Variants in USP32 observed in about 807,000 individuals in gnomAD.
USP32 encodes ubiquitin specific peptidase 32, also known as ubiquitin carboxyl-terminal hydrolase 32.
Under a neutral mutation model 204.8 loss-of-function variants are expected in USP32, and 59 were observed. That is an observed-to-expected ratio of 0.29 (90% CI 0.23 to 0.36). The LOEUF (loss-of-function observed/expected upper bound fraction) is 0.36. Among genes scored for constraint, USP32 ranks in the 10% least tolerant of loss-of-function variants. The probability of loss-of-function intolerance (pLI) is 1.00; values close to 1 mark genes in which losing one functional copy is unlikely to be tolerated. For synonymous variants in USP32, 517 were observed against 678.4 expected, an observed-to-expected ratio of 0.76 and a Z score of 3.70; for missense variants, 1,160 against 1,946.4, an observed-to-expected ratio of 0.60 and a Z score of 7.60.
intron 9 of USP32, among the ~76,000 whole-genome samples, chr17:60,264,506 T>A (rs1223329176): frequency 1.3e-5 from 2 of 148,940 alleles, no homozygotes; most frequent in Non-Finnish European, 3.0e-5. Context: ...CAGAGCAAGA[T>A]CCTGTCTCCA....
intron 2 of USP32, among the ~76,000 whole-genome samples, chr17:60,313,820 C>T (rs1567846889): frequency 6.6e-6 from 1 of 151,818 alleles, no homozygotes; most frequent in Non-Finnish European, 1.5e-5. Flanking sequence ...AGAATAAAAT[C>T]CAACATTTTA....
chr17:60,263,351 T>C (rs1293272621), intron 9 of USP32, among the ~76,000 whole-genome samples: 3 of 152,178 alleles, frequency 2.0e-5, no homozygotes, highest in Non-Finnish European at 4.4e-5. Context: ...CAGAGTATCA[T>C]TAAATAGTCA....
At chr17:60,324,153 G>A (rs2088175885) in intron 2 of USP32, among the ~76,000 whole-genome samples, 2 of 152,006 alleles carry the variant, frequency 1.3e-5, no homozygotes, top group Admixed American at 1.3e-4. Flanking sequence ...GCATGGTGGT[G>A]CACTTGTGGT....
rs190443788 is a variant in USP32, at chr17:60,191,210, T to A, written c.3522-527A>T. On this transcript the variant is annotated intron_variant, in intron 28 of 33. Transcript: ENST00000300896. Reference sequence around the variant, plus strand: ...TGAGGTCAGGAGGTCGAGACCAGTCTGACCAACATGGTGAAACCCTGTCTC... The same window carrying A: ...TGAGGTCAGGAGGTCGAGACCAGTCAGACCAACATGGTGAAACCCTGTCTC... 2.7e-4 allele frequency among the ~76,000 whole-genome samples: 41 copies of A among 152,064 alleles called. 1 individual carries two copies. In the East Asian group the frequency reaches 8.0e-3, roughly 30 times the overall value.
At chr17:60,248,287 G>T (rs2086086354) in intron 11 of USP32, among the ~76,000 whole-genome samples, 1 of 152,038 alleles carries the variant, frequency 6.6e-6, no homozygotes, top group Admixed American at 6.6e-5. Context: ...TGCTCTTGTG[G>T]CTTTCAACTT....
chr17:60,421,215 C>T (rs980054333), intron 1 of USP32: 13 of 300,004 alleles, frequency 4.3e-5, no homozygotes, highest in Admixed American at 6.5e-5. Flanking sequence ...ATCTTGGAGG[C>T]GGATAAGTGG....
intron 1 of USP32, among the ~76,000 whole-genome samples, chr17:60,407,803 AAAAG>A (rs2089989656): frequency 6.7e-6 from 1 of 149,324 alleles, no homozygotes; most frequent in Non-Finnish European, 1.5e-5. Context: ...AAAAAAAAAA[AAAAG>A]CAGAAACAGG....
chr17:60,334,533 A>C (rs955732368), intron 2 of USP32, among the ~76,000 whole-genome samples: 6 of 151,742 alleles, frequency 4.0e-5, no homozygotes, highest in African/African-American at 1.5e-4. Context: ...TCTACTAAAA[A>C]TACAAAAAAT....
chr17:60,392,183 T>G, upstream of USP32: 1 of 475,314 alleles, frequency 2.1e-6, no homozygotes, highest in Non-Finnish European at 3.8e-6. Context: ...CGCCCTTCTC[T>G]CTCCTCTCTC....
chr17:60,281,022 T>C (rs965284273), intron 5 of USP32, among the ~76,000 whole-genome samples: 1 of 152,238 alleles, frequency 6.6e-6, no homozygotes, highest in Non-Finnish European at 1.5e-5. Context: ...ATTTGTTGGT[T>C]CTTTGTTTTT....
intron 1 of USP32, among the ~76,000 whole-genome samples, chr17:60,357,312 G>C (rs7223100): frequency 0.16 from 24,715 of 151,632 alleles, 4,533 homozygotes; most frequent in African/African-American, 0.45. Context: ...AATTAGGCAG[G>C]CATGGTGATA....
intron 16 of USP32, among the ~76,000 whole-genome samples, chr17:60,216,609 T>TA (rs1372253191): frequency 2.6e-5 from 4 of 152,274 alleles, no homozygotes; most frequent in Non-Finnish European, 5.9e-5. Context: ...AAAAGTCACC[T>TA]AAAAAACAAT....
At chr17:60,229,927 C>A (rs1039959793) in intron 12 of USP32, among the ~76,000 whole-genome samples, 10 of 152,102 alleles carry the variant, frequency 6.6e-5, no homozygotes, top group Non-Finnish European at 1.3e-4. Flanking sequence ...AATTCTCCTG[C>A]CTCAGCCTCC....
intron 11 of USP32, among the ~76,000 whole-genome samples, chr17:60,250,654 A>C (rs1461093620): frequency 6.6e-6 from 1 of 152,148 alleles, no homozygotes; most frequent in African/African-American, 2.4e-5. Context: ...TGAATATTTA[A>C]AAAACTACAT....
In USP32 at chr17:60,177,870, C is replaced by A. The variant is rs1014999558; in HGVS notation, c.*1385G>T. Among the ~76,000 whole-genome samples, 1 of 151,970 alleles carries A rather than the reference C, an allele frequency of 6.6e-6. No homozygotes were observed. The highest frequency in any genetic ancestry group is 2.4e-5 in the African/African-American group (1 of 41,352). On this transcript the variant is annotated 3_prime_UTR_variant, in exon 34 of 34. Coordinates refer to ENST00000300896, the MANE Select transcript of USP32 (RefSeq NM_032582.4). Reference sequence around the variant, plus strand: ...AGGAAGAAAGGGTAGTGGAATCTGACAATTAATGAGAATCAACTTGCAGGG... The same window carrying A: ...AGGAAGAAAGGGTAGTGGAATCTGAAAATTAATGAGAATCAACTTGCAGGG...
intron 1 of USP32, among the ~76,000 whole-genome samples, chr17:60,383,017 G>T (rs894511062): frequency 1.3e-5 from 2 of 152,096 alleles, no homozygotes; most frequent in African/African-American, 4.8e-5. Flanking sequence ...GGAGGCCGAG[G>T]CAGGTGGATC....
intron 2 of USP32, among the ~76,000 whole-genome samples, chr17:60,319,894 GGGGTGA>G (rs2088072699): frequency 6.6e-6 from 1 of 152,092 alleles, no homozygotes; most frequent in Admixed American, 6.6e-5. Context: ...AAAGTATACG[GGGGTGA>G]GGGGTGTGTG....
intron 7 of USP32, among the ~76,000 whole-genome samples, chr17:60,268,552 C>A (rs2086653423): frequency 8.2e-6 from 1 of 121,272 alleles, no homozygotes. Context: ...CACTGGACTC[C>A]AACTTGGGCA....
intron 26 of USP32, among the ~76,000 whole-genome samples, chr17:60,200,710 A>C (rs1023507913): frequency 2.0e-5 from 3 of 152,220 alleles, no homozygotes; most frequent in Admixed American, 2.0e-4. Flanking sequence ...TCACAAAGGT[A>C]ACTATTATTC....
Sources: gnomAD v4.1 joint callset for allele counts (sites outside exome capture counted in the v4.1 genomes callset) on GRCh38, gnomAD v4.1.1 for gene constraint, MANE v1.5 for transcripts, NCBI Gene and HGNC (gene_info 2026-07-23, HGNC 2026-07-21) for gene names.